Variants in TMLHE observed in about 807,000 individuals in gnomAD.
The protein encoded by TMLHE is trimethyllysine hydroxylase, epsilon, also known as trimethyllysine dioxygenase, mitochondrial.
Under a neutral mutation model 25.7 loss-of-function variants are expected in TMLHE, and 18 were observed. The observed-to-expected ratio is 0.70, with a 90% CI of 0.48 to 1.04. The LOEUF (loss-of-function observed/expected upper bound fraction) is 1.04. Among genes scored for constraint, TMLHE ranks in the 50% least tolerant of loss-of-function variants. The probability of loss-of-function intolerance (pLI) is 0.00; values close to 1 mark genes in which losing one functional copy is unlikely to be tolerated. For synonymous variants in TMLHE, 105 were observed against 97.0 expected (o/e 1.08, Z -0.49); for missense variants, 236 against 259.0 (o/e 0.91, Z 0.61).
At chrX:155,610,343 A>C (rs1380742993) in intron 1 of TMLHE, among the ~76,000 whole-genome samples, 1 of 112,383 alleles carries the variant, frequency 8.9e-6, no homozygotes. Flanking sequence ...GTAGTAATGA[A>C]GACTGACTGC....
intron 2 of TMLHE, among the ~76,000 whole-genome samples, chrX:155,531,924 G>A (rs1426255946): frequency 1.8e-5 from 2 of 111,030 alleles, no homozygotes; most frequent in Non-Finnish European, 3.8e-5. Context: ...GAGAGCCTCT[G>A]GGCTATGGTG....
intron 1 of TMLHE, among the ~76,000 whole-genome samples, chrX:155,585,406 C>T (rs1057229761): frequency 2.9e-5 from 2 of 69,368 alleles, no homozygotes; most frequent in African/African-American, 9.7e-5. Flanking sequence ...ATAAATTATA[C>T]ACACACACAA....
chrX:155,549,398 G>C (rs1160016006), intron 1 of TMLHE, among the ~76,000 whole-genome samples: 2 of 109,836 alleles, frequency 1.8e-5, no homozygotes, highest in Admixed American at 9.7e-5. Flanking sequence ...GGTTGGGGAA[G>C]TTTCCTTCAA....
In TMLHE at chrX:155,562,402, T is replaced by G. The variant is rs187898045; in HGVS notation, c.-1-17125A>C. 1.5e-3 allele frequency among the ~76,000 whole-genome samples: 93 copies of G among 61,170 alleles called. 20 individuals are homozygous for G. Among genetic ancestry groups the G allele is most frequent in the Admixed American group, 4.4e-3 (23 of 5,232 alleles). The allele number at this position is 61,170 out of a possible 115,157, so 53.1% of individuals were successfully genotyped here. The stretch of plus-strand genomic sequence containing the variant: ...CTGGGCCTGGCCCATGAAACCTTTT[T>G]TTTTTCTCCTAGGCATCTGGGCCTG... On this transcript the variant is annotated intron_variant, in intron 1 of 7. Transcript: ENST00000334398.
At chrX:155,514,872 G>T (rs2067141507) in intron 3 of TMLHE, among the ~76,000 whole-genome samples, 1 of 111,519 alleles carries the variant, frequency 9.0e-6, no homozygotes, top group Admixed American at 9.6e-5. Flanking sequence ...TACTTTGTAA[G>T]TGGCTTCACC....
chrX:155,544,304 T>A (rs2067330345), intron 2 of TMLHE, among the ~76,000 whole-genome samples: 1 of 112,137 alleles, frequency 8.9e-6, no homozygotes, highest in Admixed American at 9.4e-5. Flanking sequence ...TAAAATGAGG[T>A]CACACTGGAT....
chrX:155,521,785 C>A (rs2067187544), intron 3 of TMLHE, among the ~76,000 whole-genome samples: 1 of 64,735 alleles, frequency 1.5e-5, no homozygotes, highest in African/African-American at 5.9e-5. Context: ...ACCCGATTTT[C>A]CAGGTGCGTC....
At chrX:155,566,462 G>T in intron 1 of TMLHE, among the ~76,000 whole-genome samples, 1 of 61,935 alleles carries the variant, frequency 1.6e-5, no homozygotes, top group East Asian at 7.1e-4. Flanking sequence ...GTCCAAGGAT[G>T]ACCTACTAAC....
intron 2 of TMLHE, among the ~76,000 whole-genome samples, chrX:155,537,791 C>A (rs2067287716): frequency 9.0e-6 from 1 of 110,868 alleles, no homozygotes; most frequent in Admixed American, 9.7e-5. Context: ...CAAGTTCCTA[C>A]CTCCTGTGCA....
intron 2 of TMLHE, among the ~76,000 whole-genome samples, chrX:155,529,799 ATCTTT>A (rs2067239573): frequency 8.9e-6 from 1 of 112,240 alleles, no homozygotes; most frequent in Non-Finnish European, 1.9e-5. Flanking sequence ...TCTCTAGGAT[ATCTTT>A]TCATTTTGTT....
At chrX:155,579,005 C>T (rs1226383974) in intron 1 of TMLHE, among the ~76,000 whole-genome samples, 1 of 111,714 alleles carries the variant, frequency 9.0e-6, no homozygotes, top group Non-Finnish European at 1.9e-5. Context: ...AGAAGGAAAT[C>T]CCATTTACAA....
intron 4 of TMLHE, 105 bp from the exon 5 acceptor site, chrX:155,511,897 GA>G: frequency 2.3e-6 from 2 of 877,341 alleles, no homozygotes; most frequent in Non-Finnish European, 3.1e-6. Flanking sequence ...AATAACAGTA[GA>G]TTTTTTTGGT....
intron 1 of TMLHE, among the ~76,000 whole-genome samples, chrX:155,579,953 C>CAA (rs781816890): frequency 6.6e-5 from 6 of 91,361 alleles, no homozygotes; most frequent in African/African-American, 2.0e-4. Flanking sequence ...TCGCAAGCAA[C>CAA]AAAAAAAAAA....
chrX:155,506,521 A>G (rs1186854299), intron 6 of TMLHE, among the ~76,000 whole-genome samples: 1 of 111,673 alleles, frequency 9.0e-6, no homozygotes, highest in Non-Finnish European at 1.9e-5. Context: ...AAGTTGTGAT[A>G]TCAGTAGTCA....
intron 1 of TMLHE, among the ~76,000 whole-genome samples, chrX:155,549,899 A>G (rs2067402509): frequency 9.3e-6 from 1 of 107,946 alleles, no homozygotes; most frequent in African/African-American, 3.4e-5. Context: ...GAGAGGCCCC[A>G]GTGTGTGCTC....
Position 155,588,472 on chromosome X carries a change from A to G in TMLHE, c.-2+24320T>C, listed in dbSNP as rs782711016. ...GACATCAAAGGCACAATTATAATAA[A>G]AACATACAAATGAGACTTTATTAAA... On this transcript the variant is annotated intron_variant, in intron 1 of 7. Coordinates refer to ENST00000334398, the MANE Select transcript of TMLHE (RefSeq NM_018196.4). Among the ~76,000 whole-genome samples, 156 of 111,986 alleles carry G rather than the reference A, an allele frequency of 1.4e-3. 1 individual carries two copies. Among genetic ancestry groups the G allele is most frequent in the African/African-American group, 4.8e-3 (147 of 30,830 alleles).
chrX:155,510,757 A>G (rs1383320679), intron 5 of TMLHE, among the ~76,000 whole-genome samples: 1 of 108,592 alleles, frequency 9.2e-6, no homozygotes, highest in African/African-American at 3.3e-5. Flanking sequence ...TCCTTTGGGT[A>G]TATACCCAGT....
chrX:155,538,123 C>T (rs1557337819), intron 2 of TMLHE, among the ~76,000 whole-genome samples: 1 of 111,223 alleles, frequency 9.0e-6, no homozygotes, highest in Non-Finnish European at 1.9e-5. Flanking sequence ...ATGTCTCCAT[C>T]TTCCCTCCCC....
chrX:155,595,499 C>T (rs1427659993), intron 1 of TMLHE, among the ~76,000 whole-genome samples: 1 of 112,011 alleles, frequency 8.9e-6, no homozygotes, highest in African/African-American at 3.2e-5. Flanking sequence ...AAAGTCATGA[C>T]ATTACAAGGA....
Sources: gnomAD v4.1 joint callset for allele counts (sites outside exome capture counted in the v4.1 genomes callset) on GRCh38, gnomAD v4.1.1 for gene constraint, MANE v1.5 for transcripts, NCBI Gene and HGNC (gene_info 2026-07-23, HGNC 2026-07-21) for gene names.